Variants in DLC1 observed in about 807,000 individuals in gnomAD.
DLC1 encodes the protein rho GTPase-activating protein 7.
Under a neutral mutation model 140.3 loss-of-function variants are expected in DLC1, and 54 were observed. The observed-to-expected ratio is 0.38, with a 90% CI of 0.31 to 0.48. The LOEUF is 0.48. Among genes scored for constraint, DLC1 ranks in the 20% least tolerant of loss-of-function variants. The pLI is 0.96. For missense variants in DLC1, 2,536 were observed against 1,907.0 expected (o/e 1.33, Z -6.14); for synonymous variants, 986 against 728.1 (o/e 1.35, Z -5.70).
At chr8:13,380,971 A>G (rs74537933) in intron 4 of DLC1, among the ~76,000 whole-genome samples, 2,461 of 152,200 alleles carry the variant, frequency 0.016, 37 homozygotes, top group South Asian at 0.052. Context: ...CCTCTAGGGA[A>G]GGGTTAATAT....
chr8:13,582,543 C>A (rs1196841739), intron 1 of DLC1, among the ~76,000 whole-genome samples: 2 of 152,058 alleles, frequency 1.3e-5, no homozygotes, highest in African/African-American at 4.8e-5. Flanking sequence ...ATATTTCTCC[C>A]ATGCCGGATG....
At chr8:13,387,055 A>G (rs1424136266) in intron 4 of DLC1, among the ~76,000 whole-genome samples, 2 of 152,046 alleles carry the variant, frequency 1.3e-5, no homozygotes, top group Admixed American at 1.3e-4. Flanking sequence ...ATTAATTCAA[A>G]TTTTTTGATG....
intron 5 of DLC1, among the ~76,000 whole-genome samples, chr8:13,229,076 A>G (rs1334735038): frequency 2.0e-5 from 3 of 152,208 alleles, no homozygotes; most frequent in Non-Finnish European, 4.4e-5. Flanking sequence ...ATCCACTTCT[A>G]GGTATATACC....
chr8:13,143,813 T>TGAGA (rs35079610), intron 5 of DLC1, among the ~76,000 whole-genome samples: 9,057 of 128,560 alleles, frequency 0.07, 396 homozygotes, highest in African/African-American at 0.1. Context: ...AATGAAAAGC[T>TGAGA]GAGAGAGAGA....
At chr8:13,102,751 CT>C in intron 8 of DLC1, 38 bp downstream of exon 8, 2 of 1,573,202 alleles carry the variant, frequency 1.3e-6, no homozygotes, top group South Asian at 1.1e-5. Context: ...TTGTTTGCCC[CT>C]TTTCCCCCTC....
intron 2 of DLC1, among the ~76,000 whole-genome samples, chr8:13,461,549 T>C (rs747955903): frequency 6.6e-5 from 10 of 152,228 alleles, no homozygotes; most frequent in African/African-American, 9.6e-5. Context: ...TCTTCTGTAG[T>C]TTTTAATAAT....
chr8:13,423,597 A>C (rs1475283806), intron 2 of DLC1, among the ~76,000 whole-genome samples: 1 of 152,176 alleles, frequency 6.6e-6, no homozygotes, highest in East Asian at 1.9e-4. Flanking sequence ...ACTATGATTA[A>C]TTGCTAGGCA....
intron 13 of DLC1, 23 bp downstream of exon 13, chr8:13,092,589 T>A: frequency 1.2e-6 from 2 of 1,611,056 alleles, no homozygotes; most frequent in South Asian, 2.2e-5. Flanking sequence ...CCTGTGTGCA[T>A]GCACCTCCCA....
intron 4 of DLC1, among the ~76,000 whole-genome samples, chr8:13,317,092 T>C (rs1457183616): frequency 6.6e-6 from 1 of 152,194 alleles, no homozygotes; most frequent in Non-Finnish European, 1.5e-5. Context: ...TCCAGAAAAC[T>C]ATATTTCAGA....
At chr8:13,563,310 G>A (rs547324974) in intron 1 of DLC1, among the ~76,000 whole-genome samples, 40 of 152,226 alleles carry the variant, frequency 2.6e-4, no homozygotes, top group Admixed American at 1.6e-3. Context: ...AGGATTTATC[G>A]TCACTTGCTA....
intron 5 of DLC1, among the ~76,000 whole-genome samples, chr8:13,185,332 G>C (rs1826302338): frequency 6.8e-6 from 1 of 146,892 alleles, no homozygotes; most frequent in Non-Finnish European, 1.5e-5. Context: ...TTTTGAGATG[G>C]AGTCTCACTC....
chr8:13,412,070 T>A (rs902367091), intron 2 of DLC1, among the ~76,000 whole-genome samples: 29 of 152,140 alleles, frequency 1.9e-4, no homozygotes, highest in African/African-American at 6.5e-4. Context: ...AATTATAGAC[T>A]GGGAGAAAAT....
rs1489159888 is a variant in DLC1, at chr8:13,508,473, A to G, written c.-126+6129T>C. Among the ~76,000 whole-genome samples, 3 of 148,246 alleles carry G rather than the reference A, an allele frequency of 2.0e-5. No individual in the cohort carries two copies. In the Admixed American group the frequency reaches 2.0e-4, roughly 10 times the overall value. On this transcript the variant is annotated intron_variant, in intron 1 of 17. Transcript: ENST00000276297. The stretch of plus-strand genomic sequence containing the variant: ...CGCTCTGTCGCCCAGGCTGGAGTGC[A>G]GTGGCGCGATCTGGGCTCACTGCAA...
chr8:13,264,721 T>C (rs1586032851), intron 5 of DLC1, among the ~76,000 whole-genome samples: 1 of 152,210 alleles, frequency 6.6e-6, no homozygotes, highest in African/African-American at 2.4e-5. Context: ...TTTAGTAAAA[T>C]AATCTTGGTA....
intron 2 of DLC1, among the ~76,000 whole-genome samples, chr8:13,438,362 T>C (rs1263149897): frequency 2.0e-5 from 3 of 152,186 alleles, no homozygotes; most frequent in African/African-American, 7.2e-5. Context: ...ATAGGATAAA[T>C]ATCGTGTTTC....
At chr8:13,558,650 A>G (rs1458644363) in intron 1 of DLC1, 1 of 152,190 alleles carries the variant, frequency 6.6e-6, no homozygotes, top group Non-Finnish European at 1.5e-5. Context: ...CCCTAATTAC[A>G]TAATACCTTA....
At chr8:13,348,151 G>A (rs1834450477) in intron 4 of DLC1, among the ~76,000 whole-genome samples, 1 of 152,066 alleles carries the variant, frequency 6.6e-6, no homozygotes, top group African/African-American at 2.4e-5. Flanking sequence ...GATACCACTT[G>A]CAGGGGATTT....
intron 5 of DLC1, among the ~76,000 whole-genome samples, chr8:13,262,324 A>AATG (rs1672107092): frequency 6.6e-6 from 1 of 152,166 alleles, no homozygotes; most frequent in African/African-American, 2.4e-5. Context: ...TTTCATAAGA[A>AATG]ATGATAAAAG....
chr8:13,090,196 TG>T lies in DLC1; in HGVS notation c.4074+55del, dbSNP rs57393239. ...GTTGGCAAAAGCGTGTTATCTCTGA[TG>T]GACCCAAGCTTCGACTCCTGGACTC... On this transcript the variant is annotated intron_variant, in intron 15 of 17. Coordinates refer to ENST00000276297, the MANE Select transcript of DLC1 (RefSeq NM_182643.3). 0.061 allele frequency: 93,496 copies of T among 1,534,792 alleles called. 4,408 individuals carry two copies. The highest frequency in any genetic ancestry group is 0.24 in the African/African-American group (17,558 of 73,030).
Sources: allele counts gnomAD v4.1 joint callset (sites outside exome capture counted in the v4.1 genomes callset), GRCh38; gene constraint gnomAD v4.1.1; transcripts MANE v1.5; gene names NCBI Gene and HGNC (gene_info 2026-07-23, HGNC 2026-07-21).